Variants in MASP1 observed in about 807,000 individuals in gnomAD.
The protein encoded by MASP1 is MBL associated serine protease 1.
Under a neutral mutation model 77.1 loss-of-function variants are expected in MASP1, and 59 were observed. That is an observed-to-expected ratio of 0.77 (90% CI 0.62 to 0.95). The LOEUF (loss-of-function observed/expected upper bound fraction) is 0.95. MASP1 is among the 40% of genes least tolerant of loss of function. The probability of loss-of-function intolerance (pLI) is 0.00; values close to 1 mark genes in which losing one functional copy is unlikely to be tolerated. For missense variants in MASP1, 885 were observed against 912.9 expected (o/e 0.97, Z 0.39); for synonymous variants, 362 against 354.5 (o/e 1.02, Z -0.24).
intron 6 of MASP1, among the ~76,000 whole-genome samples, chr3:187,252,464 C>T (rs1475737971): frequency 1.3e-5 from 2 of 152,140 alleles, no homozygotes; most frequent in African/African-American, 4.8e-5. Flanking sequence ...TGGGCCTATC[C>T]CTGACACTTT....
At chr3:187,253,872 G>A (rs768800349) in intron 5 of MASP1, among the ~76,000 whole-genome samples, 1 of 151,902 alleles carries the variant, frequency 6.6e-6, no homozygotes, top group Non-Finnish European at 1.5e-5. Context: ...AGTGCATTAG[G>A]ACAAGTACCT....
chr3:187,232,228 C>T (rs1452507988), downstream of MASP1, among the ~76,000 whole-genome samples: 1 of 138,136 alleles, frequency 7.2e-6, no homozygotes, highest in Non-Finnish European at 1.5e-5. Context: ...TGATCCCTTC[C>T]CCCCCCCCCC....
At chr3:187,226,715 T>C (rs1712457381) in intron 11 of MASP1, among the ~76,000 whole-genome samples, 1 of 152,226 alleles carries the variant, frequency 6.6e-6, no homozygotes, top group Admixed American at 6.5e-5. Context: ...GATTTAAATC[T>C]GTGATTTTTA....
At chr3:187,226,912 C>G (rs1375013440) in intron 11 of MASP1, among the ~76,000 whole-genome samples, 1 of 152,172 alleles carries the variant, frequency 6.6e-6, no homozygotes, top group Non-Finnish European at 1.5e-5. Context: ...ATTAGCATCA[C>G]TTGGAGGCTT....
At chr3:187,274,204 T>TAA (rs373166870) in intron 2 of MASP1, among the ~76,000 whole-genome samples, 3 of 138,000 alleles carry the variant, frequency 2.2e-5, no homozygotes, top group Non-Finnish European at 1.6e-5. Context: ...CGAGACTCCA[T>TAA]AAAAAAAAAA....
At chr3:187,252,919 T>C (rs1204667731) in intron 6 of MASP1, among the ~76,000 whole-genome samples, 1 of 152,224 alleles carries the variant, frequency 6.6e-6, no homozygotes, top group East Asian at 1.9e-4. Flanking sequence ...AATCTCTCTA[T>C]GCGATACTGA....
At chr3:187,283,578 A>T (rs190319684) in intron 2 of MASP1, among the ~76,000 whole-genome samples, 15 of 152,306 alleles carry the variant, frequency 9.8e-5, no homozygotes, top group Middle Eastern at 3.4e-3. Flanking sequence ...TATGAGAAGA[A>T]GTCATCCCTA....
chr3:187,254,171 G>A (rs1714871120), intron 5 of MASP1, among the ~76,000 whole-genome samples: 1 of 152,144 alleles, frequency 6.6e-6, no homozygotes, highest in African/African-American at 2.4e-5. Flanking sequence ...GCTGTCATAA[G>A]GGTTATAAAA....
intron 8 of MASP1, among the ~76,000 whole-genome samples, chr3:187,249,143 C>T (rs1030084953): frequency 3.9e-5 from 6 of 152,208 alleles, no homozygotes; most frequent in South Asian, 2.1e-4. Flanking sequence ...CTGCAATCTC[C>T]GCCTCCTGGG....
intron 8 of MASP1, chr3:187,244,309 G>T (rs1482398708): frequency 6.4e-6 from 1 of 155,210 alleles, no homozygotes; most frequent in African/African-American, 2.4e-5. Context: ...CATGAATAAA[G>T]ATGCCTGCTC....
At chr3:187,266,064 G>A (rs538671194) in intron 2 of MASP1, among the ~76,000 whole-genome samples, 84 of 152,192 alleles carry the variant, frequency 5.5e-4, no homozygotes, top group Non-Finnish European at 5.7e-4. Flanking sequence ...ATATCAACAT[G>A]ATGGAGGGAC....
chr3:187,227,495 G>A (rs1240647377), intron 11 of MASP1, among the ~76,000 whole-genome samples: 1 of 152,142 alleles, frequency 6.6e-6, no homozygotes, highest in African/African-American at 2.4e-5. Context: ...TATCCAAGAT[G>A]AGCCAAGCAG....
intron 5 of MASP1, among the ~76,000 whole-genome samples, chr3:187,254,370 G>T (rs1001907299): frequency 5.3e-5 from 8 of 152,108 alleles, no homozygotes; most frequent in Non-Finnish European, 1.5e-5. Context: ...ATGAGTATGA[G>T]CCTATTTGAA....
intron 10 of MASP1, among the ~76,000 whole-genome samples, chr3:187,239,637 T>G (rs191899430): frequency 4.6e-5 from 7 of 152,204 alleles, no homozygotes; most frequent in Non-Finnish European, 8.8e-5. Flanking sequence ...AGCCCCACCA[T>G]TCCTCTACAG....
intron 8 of MASP1, among the ~76,000 whole-genome samples, chr3:187,248,818 A>C (rs755150161): frequency 6.6e-6 from 1 of 152,192 alleles, no homozygotes; most frequent in Non-Finnish European, 1.5e-5. Flanking sequence ...CTCCAGCTAC[A>C]TCATATGAAA....
chr3:187,224,848 TG>T (rs1712315872), intron 13 of MASP1, among the ~76,000 whole-genome samples: 2 of 152,368 alleles, frequency 1.3e-5, no homozygotes, highest in Admixed American at 6.5e-5. Context: ...ACCCCAGTAG[TG>T]GCCATTGTTT....
intron 4 of MASP1, among the ~76,000 whole-genome samples, chr3:187,257,783 T>A (rs375749289): frequency 3.3e-5 from 5 of 152,282 alleles, no homozygotes; most frequent in East Asian, 3.9e-4. Flanking sequence ...TGTCTTACTG[T>A]AAACTAAAAA....
chr3:187,237,976 C>T (rs564755827), intron 10 of MASP1, among the ~76,000 whole-genome samples: 20 of 152,330 alleles, frequency 1.3e-4, no homozygotes, highest in African/African-American at 4.8e-4. Flanking sequence ...GCCATTCACC[C>T]CAGGCCAGAT....
intron 13 of MASP1, among the ~76,000 whole-genome samples, chr3:187,224,815 A>G (rs2108501786): frequency 6.6e-6 from 1 of 152,342 alleles, no homozygotes; most frequent in East Asian, 1.9e-4. Flanking sequence ...GGCTGTTGGC[A>G]TCATCCCTGG....
Sources: allele counts gnomAD v4.1 joint callset (sites outside exome capture counted in the v4.1 genomes callset), GRCh38; gene constraint gnomAD v4.1.1; transcripts MANE v1.5; gene names NCBI Gene and HGNC (gene_info 2026-07-23, HGNC 2026-07-21).